Variants in NDUFA9 observed in about 807,000 individuals in gnomAD.
The protein encoded by NDUFA9 is NADH:ubiquinone oxidoreductase subunit A9.
In NDUFA9, 23 loss-of-function variants were observed where a neutral mutation model predicts 45.9. That is an observed-to-expected ratio of 0.50 (90% CI 0.36 to 0.71). The LOEUF (loss-of-function observed/expected upper bound fraction) is 0.71. NDUFA9 is among the 30% of genes least tolerant of loss of function. The pLI is 0.00. For missense variants in NDUFA9, 466 were observed against 488.2 expected (o/e 0.95, Z 0.43); for synonymous variants, 176 against 170.5 (o/e 1.03, Z -0.25).
At position 4,689,429 on chromosome 12, in the gene NDUFA9, T is replaced by A. The variant is rs1340892665; in HGVS notation, c.*2321T>A. On this transcript the variant is annotated 3_prime_UTR_variant, in exon 11 of 11. Transcript: ENST00000266544. ...AGTGAACAAAGGTCTCTGGTTTTCC[T>A]AGGCAGAGGACCCTGCGGCCTTCCG... The A allele has an allele frequency of 6.5e-6, 1 of 152,698 alleles. No homozygotes were observed. The highest frequency in any genetic ancestry group is 2.4e-5 in the African/African-American group (1 of 41,428). The allele number at this position is 152,698 out of a possible 1,614,324, so 9.5% of individuals were successfully genotyped here. A position where few individuals can be genotyped will look rare whatever the true frequency, so the allele number is the denominator to read the frequency against.
chr12:4,674,831 C>T (rs1317719596), intron 8 of NDUFA9, among the ~76,000 whole-genome samples: 1 of 152,202 alleles, frequency 6.6e-6, no homozygotes, highest in African/African-American at 2.4e-5. Context: ...TAATAGACGT[C>T]TACAGAACTC....
At chr12:4,662,375 A>G (rs915179758) in intron 5 of NDUFA9, among the ~76,000 whole-genome samples, 158 bp from the exon 6 acceptor site, 3 of 152,260 alleles carry the variant, frequency 2.0e-5, no homozygotes, top group South Asian at 2.1e-4. Flanking sequence ...ATATTTTTTA[A>G]AAGTTCTGTG....
intron 8 of NDUFA9, among the ~76,000 whole-genome samples, chr12:4,670,596 A>G (rs1945880634): frequency 6.6e-6 from 1 of 152,244 alleles, no homozygotes; most frequent in South Asian, 2.1e-4. Context: ...CAAGAGGCAT[A>G]GAATATACTC....
In NDUFA9 at chr12:4,654,741, A is replaced by G. The variant is rs71579252; in HGVS notation, c.221-84A>G. The G allele has an allele frequency of 2.1e-3, 2,373 of 1,148,600 alleles. 37 individuals are homozygous for G. The African/African-American group carries it at 0.032, about 16-fold the overall frequency. The allele number at this position is 1,148,600 out of a possible 1,614,324, so 71.2% of individuals were successfully genotyped here. On this transcript the variant is annotated intron_variant, in intron 2 of 10. Transcript: ENST00000266544. ...ATATCAATTCACATACCATACTAGA[A>G]TTTAAATATTTACCAAGTCACAATT... is the stretch of plus-strand genomic sequence containing the variant.
At chr12:4,665,317 A>G (rs138751545) in intron 6 of NDUFA9, among the ~76,000 whole-genome samples, 27 of 152,302 alleles carry the variant, frequency 1.8e-4, no homozygotes, top group African/African-American at 5.8e-4. Flanking sequence ...CACCTCATAT[A>G]AGTGGAATCA....
At chr12:4,661,867 G>A (rs1341823430) in intron 5 of NDUFA9, among the ~76,000 whole-genome samples, 2 of 152,034 alleles carry the variant, frequency 1.3e-5, no homozygotes, top group East Asian at 3.9e-4. Flanking sequence ...AGTAGGTGGT[G>A]TAACCAAGTT....
chr12:4,681,963 A>G (rs1293122630), intron 8 of NDUFA9, among the ~76,000 whole-genome samples: 1 of 152,230 alleles, frequency 6.6e-6, no homozygotes, highest in Non-Finnish European at 1.5e-5. Flanking sequence ...ATTACGGAAT[A>G]GAATGGATTG....
chr12:4,685,341 G>T lies in NDUFA9; in HGVS notation c.963+16G>T, dbSNP rs766843651. On this transcript the variant is annotated intron_variant, in intron 10 of 10. Transcript: ENST00000266544. ...AGTGGAGCGGGTGAGTACATGTGTG[G>T]AAAGCGTCTGCCTGGGCAGATGATG... 41 of 1,605,344 alleles carry T rather than the reference G, an allele frequency of 2.6e-5. No homozygotes were observed. Among genetic ancestry groups the T allele is most frequent in the Non-Finnish European group, 3.2e-5 (38 of 1,172,594 alleles).
intron 2 of NDUFA9, 151 bp downstream of exon 2, chr12:4,654,613 A>G: frequency 1.0e-6 from 1 of 978,550 alleles, no homozygotes; most frequent in South Asian, 1.7e-5. Flanking sequence ...TGACATGAAG[A>G]GCACACTCAT....
intron 8 of NDUFA9, among the ~76,000 whole-genome samples, chr12:4,679,356 A>G (rs192802997): frequency 6.6e-6 from 1 of 152,362 alleles, no homozygotes; most frequent in East Asian, 1.9e-4. Context: ...ATGAAAAATC[A>G]TTGAATTATA....
At chr12:4,668,827 G>T in intron 7 of NDUFA9, 1 of 347,008 alleles carries the variant, frequency 2.9e-6, no homozygotes, top group South Asian at 3.5e-5. Context: ...CTTTCAGTCT[G>T]AGGCAGATAA....
chr12:4,650,052 A>G (rs975782421), intron 1 of NDUFA9, among the ~76,000 whole-genome samples: 1 of 152,190 alleles, frequency 6.6e-6, no homozygotes, highest in Non-Finnish European at 1.5e-5. Flanking sequence ...ACAGAATATC[A>G]TTTGCTTTCA....
At chr12:4,667,134 A>G (rs144339717) in intron 6 of NDUFA9, among the ~76,000 whole-genome samples, 4 of 152,238 alleles carry the variant, frequency 2.6e-5, no homozygotes, top group Non-Finnish European at 5.9e-5. Flanking sequence ...TGGAAGGTGG[A>G]AGGGTGAAAG....
chr12:4,655,991 C>G (rs1324679010), intron 3 of NDUFA9: 2 of 152,216 alleles, frequency 1.3e-5, no homozygotes, highest in African/African-American at 4.8e-5. Flanking sequence ...CTTAAATCTA[C>G]TGATCTTATA....
Position 4,668,536 on chromosome 12 carries a change from G to T in NDUFA9, c.723+12G>T. Reference sequence around the variant, plus strand: ...AACAACCAGTATATGTAAGTACTTGGATGAAGGGGGTCAGAAAGGGATTTT... The same window carrying T: ...AACAACCAGTATATGTAAGTACTTGTATGAAGGGGGTCAGAAAGGGATTTT... On this transcript the variant is annotated intron_variant, in intron 7 of 10. Transcript: ENST00000266544. 1 of 1,601,814 alleles carries T rather than the reference G, an allele frequency of 6.2e-7. No individual in the cohort carries two copies. The highest frequency in any genetic ancestry group is 8.6e-7 in the Non-Finnish European group (1 of 1,168,904).
At chr12:4,658,956 T>C (rs1231803263) in intron 4 of NDUFA9, 80 bp from the exon 5 acceptor site, 2 of 1,399,920 alleles carry the variant, frequency 1.4e-6, no homozygotes, top group African/African-American at 1.4e-5. Context: ...AGTACTGTTA[T>C]GAAAACCATC....
intron 8 of NDUFA9, among the ~76,000 whole-genome samples, chr12:4,671,632 A>G (rs1441820156): frequency 6.6e-6 from 1 of 152,178 alleles, no homozygotes; most frequent in Non-Finnish European, 1.5e-5. Flanking sequence ...AAGACCCACA[A>G]TAGACAAAAC....
intron 4 of NDUFA9, among the ~76,000 whole-genome samples, chr12:4,658,234 G>A (rs572396742): frequency 3.3e-5 from 5 of 152,276 alleles, no homozygotes; most frequent in African/African-American, 4.8e-5. Flanking sequence ...TGGAGGTGGC[G>A]TGAGGACTAA....
intron 7 of NDUFA9, 49 bp from the exon 8 acceptor site, chr12:4,669,692 C>G: frequency 8.3e-7 from 1 of 1,206,878 alleles, no homozygotes; most frequent in Non-Finnish European, 1.2e-6. Flanking sequence ...ATCTCCCATT[C>G]TGTCTCTTTT....
Sources: allele counts gnomAD v4.1 joint callset (sites outside exome capture counted in the v4.1 genomes callset), GRCh38; gene constraint gnomAD v4.1.1; transcripts MANE v1.5; gene names NCBI Gene and HGNC (gene_info 2026-07-23, HGNC 2026-07-21).